The following PLEKHM1 variants were observed in gnomAD, a reference collection of about 807,000 sequenced individuals.
The protein encoded by PLEKHM1 is pleckstrin homology domain-containing family M member 1.
PLEKHM1 carries 28 observed loss-of-function variants against 94.3 expected under a neutral mutation model. The ratio of observed to expected loss-of-function variants is 0.30; its 90% CI spans 0.22 to 0.41. PLEKHM1 has a LOEUF of 0.41. Ranked by LOEUF, PLEKHM1 falls within the 10% of genes least tolerant of loss-of-function variation. The pLI, the probability that PLEKHM1 is intolerant of heterozygous loss-of-function variation, is 1.00. For missense variants in PLEKHM1, 907 were observed against 1,358.6 expected (o/e 0.67, Z 5.22); for synonymous variants, 424 against 581.2 (o/e 0.73, Z 3.89).
chr17:45,458,345 C>G lies in PLEKHM1; in HGVS notation c.1403G>C (p.Arg468Thr), dbSNP rs1328288256. Residue 468 changes from arginine (R) to threonine (T), a missense_variant, in exon 6 of 12, where the codon AGG becomes ACG. Transcript: ENST00000430334. ...ACCAGGCCTTGACCCTGGAGTCCCC[C>G]TGTAAGAAGCTATTGGGTGGTCTGA... Reference protein sequence around the residue: ...SASDHPIASYRGTPGSRPGLH... With the variant: ...SASDHPIASYTGTPGSRPGLH... 1.9e-6 allele frequency: 3 copies of G among 1,613,888 alleles called. No individual in the cohort carries two copies. Among genetic ancestry groups the G allele is most frequent in the Admixed American group, 1.7e-5 (1 of 59,992 alleles).
intron 4 of PLEKHM1, among the ~76,000 whole-genome samples, chr17:45,473,128 C>T (rs532400020): frequency 1.3e-5 from 2 of 151,832 alleles, no homozygotes; most frequent in Non-Finnish European, 2.9e-5. Context: ...TCCTTTTGCT[C>T]GGCAATTTTG....
intron 5 of PLEKHM1, among the ~76,000 whole-genome samples, chr17:45,467,692 C>T (rs374131876): frequency 2.0e-5 from 3 of 152,028 alleles, no homozygotes; most frequent in Non-Finnish European, 2.9e-5. Context: ...ACCCAGGAGG[C>T]GAAGGTGGCA....
intron 1 of PLEKHM1, among the ~76,000 whole-genome samples, chr17:45,483,122 G>C (rs545350405): frequency 6.6e-6 from 1 of 151,902 alleles, no homozygotes; most frequent in Non-Finnish European, 1.5e-5. Context: ...GGTCTGGCTT[G>C]AGCAGCACAG....
At chr17:45,438,316 A>G (rs1380882700) in intron 11 of PLEKHM1, among the ~76,000 whole-genome samples, 1 of 152,012 alleles carries the variant, frequency 6.6e-6, no homozygotes, top group African/African-American at 2.4e-5. Context: ...GGCGGGTCAC[A>G]AGGTCAGGAG....
chr17:45,458,414 T>A lies in PLEKHM1; in HGVS notation c.1334A>T (p.Asp445Val). The A allele has an allele frequency of 6.2e-7, 1 of 1,613,664 alleles. No homozygotes were observed. The stretch of plus-strand genomic sequence containing the variant: ...CTCCCGGGAAGGCCGGTAGAAGTCA[T>A]CCTCTGAGATCCAGCTCTTGTTTTT... ...SPKNKSWISE[D>V]DFYRPSREQP... The change falls in exon 6 of 12, where the codon GAT becomes GTT. Residue 445 changes from aspartate to valine, a missense_variant. Physicochemically the swap from Asp to Val is radical, Grantham distance 152 (BLOSUM62 -3). This residue lies in a region of PLEKHM1 where 477 missense variants were observed against 601.5 expected (regional missense o/e 0.79). Coordinates refer to ENST00000430334, the MANE Select transcript of PLEKHM1 (RefSeq NM_014798.3).
chr17:45,478,136 C>A lies in PLEKHM1; in HGVS notation c.60G>T (p.Lys20Asn). The A allele has an allele frequency of 2.5e-6, 4 of 1,614,222 alleles. No individual in the cohort carries two copies. Among genetic ancestry groups the A allele is most frequent in the Non-Finnish European group, 3.4e-6 (4 of 1,180,040 alleles). ...DPQAAIPVIK[K>N]KLVGSVKALQ... is the part of the protein sequence containing the mutation. Reference sequence around the variant, plus strand: ...AGGCCTTCACGGATCCCACCAGCTTCTTCTTGATGACCTAGGCAGCACCAC... The same window carrying A: ...AGGCCTTCACGGATCCCACCAGCTTATTCTTGATGACCTAGGCAGCACCAC... Residue 20 changes from lysine to asparagine, a missense_variant, in exon 3 of 12, where the codon AAG becomes AAT. Physicochemically the swap from Lys to Asn is moderately conservative, Grantham distance 94. Coordinates refer to ENST00000430334, the MANE Select transcript of PLEKHM1 (RefSeq NM_014798.3).
In PLEKHM1 at chr17:45,487,122, G is replaced by C. The variant is rs1425459940; in HGVS notation, c.-42+3530C>G. Among the ~76,000 whole-genome samples, 4 of 152,172 alleles carry C rather than the reference G, an allele frequency of 2.6e-5. No individual in the cohort carries two copies. In the East Asian group the frequency reaches 5.8e-4, roughly 22 times the overall value. ...AACATGACGGGTGAAATCTTAGCAG[G>C]GGAAAGGTGACTGGTGCCATTTAGG... On this transcript the variant is annotated intron_variant, in intron 1 of 11. Coordinates refer to ENST00000430334, the MANE Select transcript of PLEKHM1 (RefSeq NM_014798.3).
chr17:45,450,597 G>A, intron 8 of PLEKHM1, 21 bp downstream of exon 8: 2 of 1,613,534 alleles, frequency 1.2e-6, no homozygotes. Context: ...CAGCAGCTGG[G>A]CTGCTGGGCT....
intron 1 of PLEKHM1, among the ~76,000 whole-genome samples, chr17:45,489,963 G>A (rs2052256369): frequency 6.6e-6 from 1 of 152,102 alleles, no homozygotes; most frequent in East Asian, 1.9e-4. Context: ...CAAAGACTTA[G>A]GGATGGGCTG....
intron 4 of PLEKHM1, among the ~76,000 whole-genome samples, chr17:45,469,705 C>T (rs1362210215): frequency 6.6e-6 from 1 of 152,158 alleles, no homozygotes; most frequent in Non-Finnish European, 1.5e-5. Context: ...CCAGTGAGCT[C>T]TGCACCATCT....
intron 8 of PLEKHM1, chr17:45,448,186 G>C (rs1340503507): frequency 6.6e-6 from 1 of 152,238 alleles, no homozygotes; most frequent in Non-Finnish European, 1.5e-5. Flanking sequence ...TCAGGGTCCT[G>C]TAAATAGTTA....
Position 45,439,462 on chromosome 17 carries a change from G to A in PLEKHM1, c.3059+15C>T. 6.2e-7 allele frequency: 1 copy of A among 1,614,020 alleles called. No individual in the cohort carries two copies. On this transcript the variant is annotated intron_variant, in intron 11 of 11. Transcript: ENST00000430334. ...GGGTGGGGCTGGAAGGCGGCTGGCT[G>A]GGTGTCCCGCATACCTGACTGTGGT...
At chr17:45,471,590 TACA>T (rs1467767954) in intron 4 of PLEKHM1, among the ~76,000 whole-genome samples, 1 of 151,632 alleles carries the variant, frequency 6.6e-6, no homozygotes, top group African/African-American at 2.4e-5. Flanking sequence ...ACCCTTTCTC[TACA>T]ACAAGTACAA....
chr17:45,486,134 G>A (rs1460811852), intron 1 of PLEKHM1, among the ~76,000 whole-genome samples: 77 of 144,806 alleles, frequency 5.3e-4, no homozygotes, highest in African/African-American at 1.8e-3. Flanking sequence ...GGAGAATGGC[G>A]TGAACCTGGG....
intron 8 of PLEKHM1, chr17:45,448,251 T>A (rs1174259411): frequency 6.6e-6 from 1 of 152,246 alleles, no homozygotes; most frequent in Non-Finnish European, 1.5e-5. Context: ...GAGGCTTAAT[T>A]TCCTCTATGT....
intron 3 of PLEKHM1, 34 bp downstream of exon 3, chr17:45,477,866 T>G: frequency 6.2e-7 from 1 of 1,611,720 alleles, no homozygotes; most frequent in African/African-American, 1.3e-5. Context: ...CTGCTGCTCC[T>G]CCGCAAAGCA....
chr17:45,459,202 G>A (rs1446275309), intron 5 of PLEKHM1, among the ~76,000 whole-genome samples: 2 of 152,038 alleles, frequency 1.3e-5, no homozygotes, highest in Admixed American at 6.6e-5. Context: ...TTGGGCAATC[G>A]TCACCACCAT....
At position 45,477,991 on chromosome 17, in the gene PLEKHM1, C is replaced by T; in HGVS notation, c.205G>A (p.Ala69Thr). ...TTCTTCCTTTTTCCTCCGGCCTCAG[C>T]TCGGATGTGCTTGGCGTGCAGGCCA... The part of the protein sequence containing the change: ...IHGLHAKHIR[A>T]EAGGKRKKSA... The change falls in exon 3 of 12, where the codon GCT (alanine) becomes ACT (threonine). Residue 69 changes from alanine (A) to threonine (T), a missense_variant. Physicochemically the swap from Ala to Thr is moderately conservative, Grantham distance 58 (BLOSUM62 0). Coordinates refer to ENST00000430334, the MANE Select transcript of PLEKHM1 (RefSeq NM_014798.3). The T allele has an allele frequency of 6.2e-7, 1 of 1,614,094 alleles. No individual in the cohort carries two copies. The highest frequency in any genetic ancestry group is 1.1e-5 in the South Asian group (1 of 91,070).
At chr17:45,435,630 A>G (rs1307741365), downstream of PLEKHM1, among the ~76,000 whole-genome samples, 2 of 152,230 alleles carry the variant, frequency 1.3e-5, no homozygotes, top group African/African-American at 4.8e-5. Context: ...GAGTTGTTAT[A>G]CAAGTGTGGG....
Sources: gnomAD v4.1 joint callset for allele counts (sites outside exome capture counted in the v4.1 genomes callset) on GRCh38, gnomAD v4.1.1 for gene constraint, gnomAD v4.1.1 regional missense constraint, MANE v1.5 for transcripts, NCBI Gene and HGNC (gene_info 2026-07-23, HGNC 2026-07-21) for gene names.